TONSL: variants seen among roughly 807,000 people sequenced by gnomAD.
The protein encoded by TONSL is tonsoku like, DNA repair protein, also known as tonsoku-like protein.
In TONSL, 112 loss-of-function variants were observed where a neutral mutation model predicts 147.1. The ratio of observed to expected loss-of-function variants is 0.76; its 90% confidence interval spans 0.65 to 0.89. The LOEUF (loss-of-function observed/expected upper bound fraction) is 0.89. Ranked by LOEUF, TONSL falls within the 40% of genes least tolerant of loss-of-function variation. The pLI is 0.00. For synonymous variants in TONSL, 868 were observed against 801.5 expected (o/e 1.08, Z -1.40); for missense variants, 1,883 against 1,864.6 (o/e 1.01, Z -0.18).
intron 3 of TONSL, 59 bp from the exon 4 acceptor site, chr8:144,443,380 G>C (rs1823791628): frequency 1.4e-6 from 2 of 1,469,528 alleles, no homozygotes; most frequent in Non-Finnish European, 1.8e-6. Flanking sequence ...AACCGGCACC[G>C]CCAGATTCCC....
rs1823129794 is a variant in TONSL at position 144,430,312 on chromosome 8, A to C, written c.3943+92T>G. ...CCAGCCTTGCTGCCTGGCTGGTAGC[A>C]GTGACAGCCCCTTAGGAGGAGGCAC... On this transcript the variant is annotated intron_variant, in intron 25 of 25. Coordinates refer to ENST00000409379, the MANE Select transcript of TONSL (RefSeq NM_013432.5). 1.7e-5 allele frequency: 24 copies of C among 1,378,100 alleles called. No individual in the cohort carries two copies. In the South Asian group the frequency reaches 3.8e-4, roughly 22 times the overall value. The allele number at this position is 1,378,100 out of a possible 1,614,324, so 85.4% of individuals were successfully genotyped here.
rs780807306 is a variant in TONSL at position 144,436,240 on chromosome 8, C to T, written c.2193G>A (p.Arg731=). ...TGCTGGCTGGCCCATGCCTGCTCCT[C>T]CGAGGCCTGGCCATGGCTGGTGCCG... is the stretch of plus-strand genomic sequence containing the variant. The part of the protein sequence containing the change: ...GQAAPAMARP[R]RSRHGPASSS... The change falls in exon 17 of 26, where the codon CGG becomes CGA. Residue 731 remains arginine (R), a synonymous_variant. Coordinates refer to ENST00000409379, the MANE Select transcript of TONSL (RefSeq NM_013432.5). 4 of 1,545,558 alleles carry T rather than the reference C, an allele frequency of 2.6e-6. No individual in the cohort carries two copies. The highest frequency in any genetic ancestry group is 1.2e-5 in the South Asian group (1 of 83,380).
chr8:144,436,328 G>C lies in TONSL; in HGVS notation c.2105C>G (p.Pro702Arg), dbSNP rs764563560. ...SPPLSPCPEP[P>R]SNSTRLPEAS... ...CTCTGGGAGTCTAGTGCTATTAGAG[G>C]GGGGTTCTGGGCAGGGGCTCAAAGG... Residue 702 changes from proline (P) to arginine (R), a missense_variant, in exon 17 of 26, where the codon CCC (proline) becomes CGC (arginine). By Grantham distance (103) the Pro-to-Arg change is moderately radical. Transcript: ENST00000409379. 28 of 1,502,496 alleles carry C rather than the reference G, an allele frequency of 1.9e-5. No homozygotes were observed. The Admixed American group carries it at 6.0e-4, about 32-fold the overall frequency. The allele number at this position is 1,502,496 out of a possible 1,614,324, so 93.1% of individuals were successfully genotyped here. A position where few individuals can be genotyped will look rare whatever the true frequency, so the allele number is the denominator to read the frequency against.
intron 4 of TONSL, 158 bp downstream of exon 4, chr8:144,442,980 A>AGGGGAAAGGTTGCGC: frequency 8.2e-7 from 1 of 1,223,756 alleles, no homozygotes; most frequent in Non-Finnish European, 1.1e-6. Context: ...GACGATCTCC[A>AGGGGAAAGGTTGCGC]GGGGAAAGGT....
chr8:144,431,229 A>C (rs1372169220), intron 23 of TONSL, 78 bp from the exon 24 acceptor site: 1 of 1,429,680 alleles, frequency 7.0e-7, no homozygotes, highest in Admixed American at 1.7e-5. Context: ...GGTGCACCAC[A>C]CCCAGGGGCC....
At chr8:144,429,923 C>T (rs1006349198) in intron 25 of TONSL, among the ~76,000 whole-genome samples, 2 of 152,168 alleles carry the variant, frequency 1.3e-5, no homozygotes, top group Non-Finnish European at 2.9e-5. Context: ...TCATCAAAGC[C>T]CTTCCTGGGG....
chr8:144,438,225 C>T (rs900441345), intron 13 of TONSL: 1 of 565,762 alleles, frequency 1.8e-6, no homozygotes, highest in Non-Finnish European at 3.2e-6. Flanking sequence ...TTTTTTGAAA[C>T]AGGGTCTCAC....
rs752005007 is a variant in TONSL, at chr8:144,440,842, G to T, written c.1040C>A (p.Pro347Gln). ...QLRFAELLDR[P>Q]GAERAIIHVS... is the part of the protein sequence containing the mutation. ...GTGGATGATGGCCCGCTCAGCACCCGGTCTGTCCAGCAGCTCAGCAAAACG... is the reference window on the plus strand; with the variant it reads ...GTGGATGATGGCCCGCTCAGCACCCTGTCTGTCCAGCAGCTCAGCAAAACG... The change falls in exon 9 of 26, where the codon CCG becomes CAG. Residue 347 changes from proline (P) to glutamine (Q), a missense_variant. Coordinates refer to ENST00000409379, the MANE Select transcript of TONSL (RefSeq NM_013432.5). The T allele has an allele frequency of 6.2e-7, 1 of 1,612,850 alleles. No individual in the cohort carries two copies. The highest frequency in any genetic ancestry group is 1.7e-5 in the Admixed American group (1 of 60,012).
chr8:144,439,081 C>T (rs1823598997), intron 11 of TONSL, among the ~76,000 whole-genome samples: 2 of 152,214 alleles, frequency 1.3e-5, no homozygotes, highest in Non-Finnish European at 1.5e-5. Context: ...CAGACCGGCT[C>T]GTGGGCCAGT....
chr8:144,441,604 C>T (rs1365647084), intron 7 of TONSL: 2 of 193,986 alleles, frequency 1.0e-5, no homozygotes, highest in African/African-American at 4.8e-5. Flanking sequence ...GAAAAAAAAA[C>T]AACACAACAT....
At chr8:144,435,449 C>A in intron 18 of TONSL, 25 bp downstream of exon 18, 1 of 1,518,402 alleles carries the variant, frequency 6.6e-7, no homozygotes, top group Non-Finnish European at 8.9e-7. Flanking sequence ...AGGTGGGCTG[C>A]GGGGTAGGGC....
rs749575999 is a variant in TONSL at position 144,435,019 on chromosome 8, C to T, written c.3004G>A (p.Glu1002Lys). ...LIPDVLQSNDEVLAEVTSWDL... is the reference protein window; with the variant it reads ...LIPDVLQSNDKVLAEVTSWDL... ...TCCCCCTCCGCTCTGCGGCTCACCT[C>T]GTCATTGCTCTGCAGCACATCAGGG... is the stretch of plus-strand genomic sequence containing the variant. Residue 1002 changes from glutamate (E) to lysine (K), a missense_variant and splice_region_variant, in exon 19 of 26, where the codon GAG becomes AAG. Transcript: ENST00000409379. 18 of 1,612,404 alleles carry T rather than the reference C, an allele frequency of 1.1e-5. No homozygotes were observed. In the East Asian group the frequency reaches 1.8e-4, roughly 16 times the overall value.
Position 144,436,721 on chromosome 8 carries a change from T to A in TONSL, c.1890+36A>T, listed in dbSNP as rs746385583. The A allele has an allele frequency of 4.3e-6, 7 of 1,610,812 alleles. No homozygotes were observed. The African/African-American group carries it at 6.7e-5, about 15-fold the overall frequency. ...TTGAGCAGGGGCACAGCAGCCCCCA[T>A]AACCTCGCCCTTGCCCTCTGCCCCA... On this transcript the variant is annotated intron_variant, in intron 15 of 25. Transcript: ENST00000409379.
In TONSL at chr8:144,435,663, G is replaced by A. The variant is rs556759912; in HGVS notation, c.2770C>T (p.Pro924Ser). ...PSGDSSAAGQ[P>S]LGPAPPPPIR... The stretch of plus-strand genomic sequence containing the variant: ...CTCCAGGTCTGCATACCCACCAAGG[G>A]CTGGCCTGCCGCAGAGCTGTCCCCA... Residue 924 changes from proline to serine, a missense_variant, in exon 17 of 26, where the codon CCC (proline) becomes TCC (serine). Transcript: ENST00000409379. The A allele has an allele frequency of 3.1e-6, 5 of 1,600,598 alleles. No homozygotes were observed. The highest frequency in any genetic ancestry group is 1.3e-5 in the African/African-American group (1 of 74,810).
At position 144,436,622 on chromosome 8, in the gene TONSL, G is replaced by C. The variant is rs141505364; in HGVS notation, c.1950C>G (p.Asp650Glu). 2,791 of 1,612,080 alleles carry C rather than the reference G, an allele frequency of 1.7e-3. 2 individuals are homozygous for C. Among genetic ancestry groups the C allele is most frequent in the Non-Finnish European group, 2.1e-3 (2,507 of 1,179,940 alleles). Reference sequence around the variant, plus strand: ...CCCTGGCCTTCTGCCGCGTCTCCAGGTCCAGGTCCCTGCGGTACAGCTTCA... The same window carrying C: ...CCCTGGCCTTCTGCCGCGTCTCCAGCTCCAGGTCCCTGCGGTACAGCTTCA... ...QWVKLYRRDL[D>E]LETRQKARAM... Residue 650 changes from aspartate (D) to glutamate (E), a missense_variant, in exon 16 of 26, where the codon GAC (aspartate) becomes GAG (glutamate). Asp to Glu is a conservative substitution (Grantham distance 45, BLOSUM62 2). Coordinates refer to ENST00000409379, the MANE Select transcript of TONSL (RefSeq NM_013432.5).
intron 23 of TONSL, 67 bp from the exon 24 acceptor site, chr8:144,431,218 A>AG: frequency 6.6e-7 from 1 of 1,524,254 alleles, no homozygotes. Flanking sequence ...GCTTCCCAGC[A>AG]GGTGCACCAC....
At position 144,436,659 on chromosome 8, in the gene TONSL, A is replaced by C; in HGVS notation, c.1913T>G (p.Leu638Arg). ...GCGGTACAGCTTCACCCACTGCTGC[A>C]GCGTCTCCAGCGGGCTGAGGCCCTG... ...TRKGLSPLET[L>R]QQWVKLYRRD... The change falls in exon 16 of 26, where the codon CTG becomes CGG. Residue 638 changes from leucine to arginine, a missense_variant. Physicochemically the swap from Leu to Arg is moderately radical, Grantham distance 102 (BLOSUM62 -2). Transcript: ENST00000409379. 1 of 1,612,180 alleles carries C rather than the reference A, an allele frequency of 6.2e-7. No homozygotes were observed. Among genetic ancestry groups the C allele is most frequent in the Non-Finnish European group, 8.5e-7 (1 of 1,179,932 alleles).
Position 144,434,998 on chromosome 8 carries a change from C to G in TONSL, c.3006+19G>C, listed in dbSNP as rs200936668. On this transcript the variant is annotated intron_variant, in intron 19 of 25. Transcript: ENST00000409379. The stretch of plus-strand genomic sequence containing the variant: ...CCCGGTGCCTGAGGCCCTGGCTCCC[C>G]CTCCGCTCTGCGGCTCACCTCGTCA... 2.4e-5 allele frequency: 39 copies of G among 1,612,094 alleles called. No individual in the cohort carries two copies. The East Asian group carries it at 5.6e-4, about 23-fold the overall frequency.
In TONSL at chr8:144,442,037, C is replaced by T; in HGVS notation, c.865G>A (p.Val289Met). The T allele has an allele frequency of 6.2e-7, 1 of 1,612,344 alleles. No individual in the cohort carries two copies. The highest frequency in any genetic ancestry group is 8.5e-7 in the Non-Finnish European group (1 of 1,179,696). ...RAAICQNLQH[V>M]LAVVRLQQQL... ...GCCCCATTCGCACCCCCAGGCTCAC[C>T]ATGCTGGAGGTTCTGACAGATGGCT... Residue 289 changes from valine (V) to methionine (M), a missense_variant and splice_region_variant, in exon 7 of 26, where the codon GTG becomes ATG. By Grantham distance (21) the Val-to-Met change is conservative. Coordinates refer to ENST00000409379, the MANE Select transcript of TONSL (RefSeq NM_013432.5).
Sources: gnomAD v4.1 joint callset for allele counts (sites outside exome capture counted in the v4.1 genomes callset) on GRCh38, gnomAD v4.1.1 for gene constraint, MANE v1.5 for transcripts, NCBI Gene and HGNC (gene_info 2026-07-23, HGNC 2026-07-21) for gene names.